Variants in CLSTN2 observed in about 807,000 individuals in gnomAD.
CLSTN2 encodes the protein calsyntenin-2.
CLSTN2 carries 48 observed loss-of-function variants against 101.2 expected under a neutral mutation model. The observed-to-expected ratio is 0.47, with a 90% CI of 0.38 to 0.60. The LOEUF is 0.60. CLSTN2 is among the 20% of genes least tolerant of loss of function. CLSTN2 has a pLI of 0.00. For synonymous variants in CLSTN2, 481 were observed against 463.6 expected, an observed-to-expected ratio of 1.04 and a Z score of -0.48; for missense variants, 1,160 against 1,238.2, an observed-to-expected ratio of 0.94 and a Z score of 0.95.
At chr3:140,170,275 G>A (rs73868795) in intron 1 of CLSTN2, among the ~76,000 whole-genome samples, 5,476 of 152,214 alleles carry the variant, frequency 0.036, 214 homozygotes, top group African/African-American at 0.099. Flanking sequence ...TGATATCTTC[G>A]TAGTCGAATT....
intron 2 of CLSTN2, among the ~76,000 whole-genome samples, chr3:140,264,940 C>G (rs1477122156): frequency 6.6e-6 from 1 of 152,192 alleles, no homozygotes; most frequent in Non-Finnish European, 1.5e-5. Flanking sequence ...GCACAGGTCT[C>G]TGCCCTGAAG....
chr3:140,391,936 C>T (rs2088118726), intron 2 of CLSTN2, among the ~76,000 whole-genome samples: 1 of 152,060 alleles, frequency 6.6e-6, no homozygotes, highest in African/African-American at 2.4e-5. Context: ...AGTTTGGGAA[C>T]TGAAGCTAAA....
At chr3:140,518,901 TGGTTCTTCTAATTGTGATGTTA>T (rs1410741512) in intron 8 of CLSTN2, among the ~76,000 whole-genome samples, 1 of 152,258 alleles carries the variant, frequency 6.6e-6, no homozygotes, top group African/African-American at 2.4e-5. Context: ...TGTTTGCTCC[TGGTTCTTCTAATTGTGATGTTA>T]GGTTAACTTG....
At chr3:139,990,966 T>C (rs1350345692) in intron 1 of CLSTN2, among the ~76,000 whole-genome samples, 5 of 152,212 alleles carry the variant, frequency 3.3e-5, no homozygotes, top group African/African-American at 1.2e-4. Flanking sequence ...AAAATTTTAT[T>C]TTTAAAATAA....
chr3:140,250,686 T>C (rs770477819), intron 2 of CLSTN2, among the ~76,000 whole-genome samples: 13 of 152,182 alleles, frequency 8.5e-5, no homozygotes, highest in Non-Finnish European at 1.5e-4. Context: ...TGCAATTGGA[T>C]GAGCCTTCGC....
intron 9 of CLSTN2, among the ~76,000 whole-genome samples, chr3:140,536,155 G>A (rs1280629874): frequency 3.9e-5 from 6 of 152,020 alleles, no homozygotes; most frequent in African/African-American, 1.4e-4. Context: ...TCCCAGCCTT[G>A]CCATCTACTA....
intron 2 of CLSTN2, among the ~76,000 whole-genome samples, chr3:140,328,915 G>A (rs2087355878): frequency 6.6e-6 from 1 of 152,172 alleles, no homozygotes; most frequent in Admixed American, 6.5e-5. Context: ...CTAATGATGT[G>A]AGTTATTATG....
intron 2 of CLSTN2, among the ~76,000 whole-genome samples, chr3:140,364,524 A>C (rs1363908026): frequency 5.9e-5 from 9 of 152,192 alleles, no homozygotes; most frequent in African/African-American, 1.7e-4. Flanking sequence ...ATTCAGATGC[A>C]GCAGTGAGGA....
At chr3:139,999,787 G>T (rs540456434) in intron 1 of CLSTN2, among the ~76,000 whole-genome samples, 127 of 152,128 alleles carry the variant, frequency 8.3e-4, no homozygotes, top group African/African-American at 2.8e-3. Flanking sequence ...GGTTTCATTT[G>T]CTGTGTGAAT....
intron 2 of CLSTN2, among the ~76,000 whole-genome samples, chr3:140,237,522 A>G (rs956030878): frequency 1.3e-5 from 2 of 152,158 alleles, no homozygotes; most frequent in African/African-American, 4.8e-5. Context: ...TCTTCCCCGT[A>G]CATGATAACT....
intron 1 of CLSTN2, among the ~76,000 whole-genome samples, chr3:139,953,892 A>G (rs1264933951): frequency 6.6e-6 from 1 of 151,310 alleles, no homozygotes; most frequent in Non-Finnish European, 1.5e-5. Flanking sequence ...GCTCAAACTA[A>G]GAGGGAACAA....
intron 2 of CLSTN2, among the ~76,000 whole-genome samples, chr3:140,373,506 G>C (rs1319413714): frequency 6.6e-6 from 1 of 152,202 alleles, no homozygotes; most frequent in African/African-American, 2.4e-5. Flanking sequence ...ATTATATTGA[G>C]CAGGAAAATC....
chr3:140,243,637 CTAGGCTGAAAACT>C (rs531907796), intron 2 of CLSTN2, among the ~76,000 whole-genome samples: 162 of 152,302 alleles, frequency 1.1e-3, no homozygotes, highest in African/African-American at 3.7e-3. Flanking sequence ...CTCCACTGTA[CTAGGCTGAAAACT>C]TGGACACTCT....
At chr3:140,233,717 C>T (rs2086391206) in intron 2 of CLSTN2, among the ~76,000 whole-genome samples, 4 of 152,178 alleles carry the variant, frequency 2.6e-5, no homozygotes, top group Admixed American at 2.6e-4. Context: ...GTATCCAAAG[C>T]TTCCTTGCCC....
chr3:140,461,755 A>T (rs1933567843), intron 7 of CLSTN2, among the ~76,000 whole-genome samples: 1 of 152,116 alleles, frequency 6.6e-6, no homozygotes, highest in Non-Finnish European at 1.5e-5. Context: ...CTCAACTGTC[A>T]TCCCAGCAGT....
At chr3:140,563,474 A>C (rs11916215) in intron 15 of CLSTN2, among the ~76,000 whole-genome samples, 97,563 of 151,954 alleles carry the variant, frequency 0.64, 33,996 homozygotes, top group Middle Eastern at 0.83. Flanking sequence ...AAACAATGTC[A>C]TGTATGAAGC....
At chr3:140,205,610 C>T (rs1393702458) in intron 2 of CLSTN2, among the ~76,000 whole-genome samples, 1 of 118,866 alleles carries the variant, frequency 8.4e-6, no homozygotes, top group Non-Finnish European at 1.9e-5. Context: ...GTTGTTTGGA[C>T]CTGACCCGCC....
intron 2 of CLSTN2, among the ~76,000 whole-genome samples, chr3:140,232,214 T>C (rs1041067777): frequency 6.6e-6 from 1 of 152,192 alleles, no homozygotes; most frequent in Non-Finnish European, 1.5e-5. Flanking sequence ...TTATTGATGC[T>C]GCAAACCTGG....
chr3:139,961,514 A>C (rs984586284), intron 1 of CLSTN2, among the ~76,000 whole-genome samples: 3 of 152,206 alleles, frequency 2.0e-5, no homozygotes, highest in Non-Finnish European at 4.4e-5. Context: ...AGTTAGGTGA[A>C]AATGAGTGAT....
Sources: gnomAD v4.1 joint callset for allele counts (sites outside exome capture counted in the v4.1 genomes callset) on GRCh38, gnomAD v4.1.1 for gene constraint, MANE v1.5 for transcripts, NCBI Gene and HGNC (gene_info 2026-07-23, HGNC 2026-07-21) for gene names.